The following PLCB4 variants were observed in gnomAD, a reference collection of about 807,000 sequenced individuals.
PLCB4 encodes phospholipase C beta 4.
A neutral mutation model predicts 178.8 loss-of-function variants in PLCB4; 77 were observed. That is an observed-to-expected ratio of 0.43 (90% CI 0.36 to 0.52). PLCB4 has a LOEUF of 0.52. PLCB4 is among the 20% of genes least tolerant of loss of function. PLCB4 has a pLI of 0.00. For synonymous variants in PLCB4, 496 were observed against 490.8 expected (o/e 1.01, Z -0.14); for missense variants, 1,024 against 1,453.4 (o/e 0.70, Z 4.80).
At chr20:9,239,234 C>T (rs945569186) in intron 3 of PLCB4, among the ~76,000 whole-genome samples, 7 of 152,166 alleles carry the variant, frequency 4.6e-5, no homozygotes, top group Admixed American at 4.6e-4. Flanking sequence ...TTTCTTCCTT[C>T]CACTCCCACT....
intron 34 of PLCB4, among the ~76,000 whole-genome samples, chr20:9,458,480 AACT>A (rs2122415240): frequency 6.6e-6 from 1 of 152,352 alleles, no homozygotes; most frequent in Non-Finnish European, 1.5e-5. Context: ...ACATTGAAAC[AACT>A]ACTACAGTTT....
intron 31 of PLCB4, 64 bp from the exon 32 acceptor site, chr20:9,444,114 A>G (rs2042265588): frequency 1.4e-6 from 2 of 1,445,248 alleles, no homozygotes; most frequent in Middle Eastern, 1.8e-4. Flanking sequence ...CACCAAGTGT[A>G]ATCATTGTGA....
At chr20:9,203,521 T>C (rs1008890247) in intron 2 of PLCB4, among the ~76,000 whole-genome samples, 1 of 152,218 alleles carries the variant, frequency 6.6e-6, no homozygotes. Flanking sequence ...TCTATATGCA[T>C]AGTTATGTCA....
intron 1 of PLCB4, among the ~76,000 whole-genome samples, chr20:9,075,097 G>T (rs2089784692): frequency 6.6e-6 from 1 of 152,054 alleles, no homozygotes; most frequent in African/African-American, 2.4e-5. Context: ...TGTCCTAATA[G>T]CATCTCCAGT....
At chr20:9,145,269 A>C (rs188353772) in intron 2 of PLCB4, among the ~76,000 whole-genome samples, 1 of 152,264 alleles carries the variant, frequency 6.6e-6, no homozygotes, top group African/African-American at 2.4e-5. Flanking sequence ...ATTACATAGC[A>C]CAATTCTTGG....
At chr20:9,395,411 A>G in intron 18 of PLCB4, 112 bp from the exon 19 acceptor site, 1 of 721,860 alleles carries the variant, frequency 1.4e-6, no homozygotes, top group Non-Finnish European at 2.5e-6. Flanking sequence ...TTGGTGCCTG[A>G]ACATTCTATT....
rs903632605 is a variant in PLCB4 at position 9,445,418 on chromosome 20, A to G, written c.2880+1175A>G. 3.9e-5 allele frequency among the ~76,000 whole-genome samples: 6 copies of G among 152,192 alleles called. No homozygotes were observed. In the South Asian group the frequency reaches 1.0e-3, roughly 26 times the overall value. On this transcript the variant is annotated intron_variant, in intron 32 of 39. Transcript: ENST00000378473. ...TGTCCTTCAGAACTTGGCTTGAGTGATGTACCTTTTAATCATTCCACGTAT... is the reference window on the plus strand; with the variant it reads ...TGTCCTTCAGAACTTGGCTTGAGTGGTGTACCTTTTAATCATTCCACGTAT...
intron 4 of PLCB4, among the ~76,000 whole-genome samples, chr20:9,336,619 T>C (rs6039442): frequency 0.26 from 39,845 of 151,754 alleles, 5,954 homozygotes; most frequent in African/African-American, 0.41. Context: ...GCTGGTCTAG[T>C]GACTACACTT....
intron 1 of PLCB4, among the ~76,000 whole-genome samples, chr20:9,075,037 C>G (rs1461674035): frequency 6.6e-6 from 1 of 152,042 alleles, no homozygotes; most frequent in Non-Finnish European, 1.5e-5. Flanking sequence ...ATTTGTTGAG[C>G]AGTTAAAATG....
chr20:9,170,313 G>A (rs1434139409), intron 2 of PLCB4, among the ~76,000 whole-genome samples: 1 of 152,132 alleles, frequency 6.6e-6, no homozygotes, highest in Non-Finnish European at 1.5e-5. Context: ...TAGTTTGTTA[G>A]GACTAATTTA....
At chr20:9,472,907 C>A in intron 37 of PLCB4, 60 bp downstream of exon 37, 1 of 945,084 alleles carries the variant, frequency 1.1e-6, no homozygotes, top group Admixed American at 2.0e-5. Context: ...CAATAACATG[C>A]TTAGCCACCA....
At chr20:9,237,919 C>T (rs2094011173) in intron 3 of PLCB4, among the ~76,000 whole-genome samples, 1 of 152,022 alleles carries the variant, frequency 6.6e-6, no homozygotes, top group South Asian at 2.1e-4. Context: ...GGAGACACAT[C>T]ATGGTGGGCA....
intron 4 of PLCB4, among the ~76,000 whole-genome samples, chr20:9,313,656 T>G (rs1242106435): frequency 6.6e-6 from 1 of 152,194 alleles, no homozygotes; most frequent in African/African-American, 2.4e-5. Flanking sequence ...CCTGTTTTCT[T>G]AAGCTCCTGT....
chr20:9,358,860 C>T (rs2035072544), intron 7 of PLCB4, among the ~76,000 whole-genome samples: 1 of 152,120 alleles, frequency 6.6e-6, no homozygotes, highest in South Asian at 2.1e-4. Context: ...GATCCCACCA[C>T]TGCACTCCAA....
At chr20:9,190,817 G>A (rs2093392759) in intron 2 of PLCB4, among the ~76,000 whole-genome samples, 1 of 152,134 alleles carries the variant, frequency 6.6e-6, no homozygotes, top group South Asian at 2.1e-4. Context: ...TGAGAGGTGG[G>A]TATGCTCTCC....
intron 19 of PLCB4, 148 bp from the exon 20 acceptor site, chr20:9,401,342 G>GA (rs1259266586): frequency 5.1e-6 from 3 of 587,798 alleles, no homozygotes; most frequent in Non-Finnish European, 9.2e-6. Flanking sequence ...AGTTTTACTT[G>GA]AAAAAATACT....
At chr20:9,327,513 C>A (rs6056549) in intron 4 of PLCB4, among the ~76,000 whole-genome samples, 147,931 of 152,136 alleles carry the variant, frequency 0.97, 71,939 homozygotes, top group East Asian at 1. Flanking sequence ...GCGGTGGCTC[C>A]CGCCTGTAGT....
chr20:9,255,349 C>T (rs1219419189), intron 3 of PLCB4, among the ~76,000 whole-genome samples: 2 of 152,136 alleles, frequency 1.3e-5, no homozygotes, highest in African/African-American at 4.8e-5. Flanking sequence ...CCTTGAGGCC[C>T]TCAGCCAATA....
intron 36 of PLCB4, among the ~76,000 whole-genome samples, chr20:9,472,364 T>C (rs2044250725): frequency 6.6e-6 from 1 of 152,142 alleles, no homozygotes; most frequent in African/African-American, 2.4e-5. Context: ...CACAGGAAAG[T>C]TTGAGAAGCT....
Sources: allele counts gnomAD v4.1 joint callset (sites outside exome capture counted in the v4.1 genomes callset), GRCh38; gene constraint gnomAD v4.1.1; transcripts MANE v1.5; gene names NCBI Gene and HGNC (gene_info 2026-07-23, HGNC 2026-07-21).